Variants in LAMA3 observed in about 807,000 individuals in gnomAD.
LAMA3 encodes laminin subunit alpha 3, also known as laminin subunit alpha-3.
Under a neutral mutation model 402.0 loss-of-function variants are expected in LAMA3, and 281 were observed. The ratio of observed to expected loss-of-function variants is 0.70; its 90% CI spans 0.63 to 0.77. The LOEUF is 0.77. Among genes scored for constraint, LAMA3 ranks in the 30% least tolerant of loss-of-function variants. The pLI is 0.00. For missense variants in LAMA3, 3,840 were observed against 4,215.5 expected (o/e 0.91, Z 2.47); for synonymous variants, 1,431 against 1,558.4 (o/e 0.92, Z 1.93).
At chr18:23,849,261 C>G (rs954304302) in intron 32 of LAMA3, among the ~76,000 whole-genome samples, 2 of 152,214 alleles carry the variant, frequency 1.3e-5, no homozygotes, top group African/African-American at 4.8e-5. Flanking sequence ...CTCCCAACTC[C>G]TTGATAATAC....
At chr18:23,927,690 T>G (rs1259948797) in intron 62 of LAMA3, among the ~76,000 whole-genome samples, 1 of 152,126 alleles carries the variant, frequency 6.6e-6, no homozygotes, top group Non-Finnish European at 1.5e-5. Flanking sequence ...GAGCAAAAGG[T>G]TTTCTAGAGC....
At chr18:23,830,331 C>T (rs2063468675) in intron 23 of LAMA3, among the ~76,000 whole-genome samples, 1 of 152,124 alleles carries the variant, frequency 6.6e-6, no homozygotes, top group African/African-American at 2.4e-5. Context: ...TCAGCTCAGC[C>T]ACTACACCAT....
At chr18:23,921,687 AAC>A in intron 62 of LAMA3, 102 bp downstream of exon 62, 1 of 1,176,772 alleles carries the variant, frequency 8.5e-7, no homozygotes, top group Admixed American at 1.7e-5. Context: ...CCAACAAACA[AAC>A]ACAAAAAGTT....
Position 23,943,956 on chromosome 18 carries a change from T to C in LAMA3, c.9195T>C (p.Asp3065=), listed in dbSNP as rs764427229. The C allele has an allele frequency of 3.1e-6, 5 of 1,613,924 alleles. No individual in the cohort carries two copies. The East Asian group carries it at 8.9e-5, about 29-fold the overall frequency. Residue 3065 remains aspartate (D), a synonymous_variant, in exon 69 of 75, where the codon GAT becomes GAC. Coordinates refer to ENST00000313654, the MANE Select transcript of LAMA3 (RefSeq NM_198129.4). ...TCAAAAGCAAGGAGAAATGCAATGA[T>C]GGGAAATGGCACACGGTAAGAGCTG... is the stretch of plus-strand genomic sequence containing the variant. ...LRIKSKEKCN[D]GKWHTVVFGH...
intron 54 of LAMA3, 70 bp from the exon 55 acceptor site, chr18:23,909,083 G>T: frequency 6.9e-7 from 1 of 1,446,344 alleles, no homozygotes; most frequent in African/African-American, 1.4e-5. Flanking sequence ...AATACTGTCA[G>T]TAAGAACATT....
chr18:23,900,065 G>C (rs2081015937), intron 47 of LAMA3, among the ~76,000 whole-genome samples: 1 of 47,780 alleles, frequency 2.1e-5, no homozygotes, highest in South Asian at 8.9e-4. Flanking sequence ...CTTTGTGTGT[G>C]TGTGCGTGTG....
In LAMA3 at chr18:23,898,735, C is replaced by T; in HGVS notation, c.5614-3C>T. ...GTGACATTCATTTGTGTTTTGTTTC[C>T]AGAATCAGTTGCTCAACTACCGTTC... On this transcript the variant is annotated splice_region_variant and splice_polypyrimidine_tract_variant and intron_variant, in intron 44 of 74. Transcript: ENST00000313654. The T allele has an allele frequency of 6.5e-7, 1 of 1,528,896 alleles. No homozygotes were observed. Among genetic ancestry groups the T allele is most frequent in the Non-Finnish European group, 9.1e-7 (1 of 1,102,356 alleles). The allele number at this position is 1,528,896 out of a possible 1,614,324, so 94.7% of individuals were successfully genotyped here.
At chr18:23,953,327 T>TTTTTTTTTTTTG (rs2082989923) in intron 74 of LAMA3, among the ~76,000 whole-genome samples, 1 of 5,970 alleles carries the variant, frequency 1.7e-4, no homozygotes. Flanking sequence ...GTAATTTTGT[T>TTTTTTTTTTTTG]TTTTTTTTTT....
chr18:23,954,660 TTC>T lies in LAMA3; in HGVS notation c.*13_*14del. 6.2e-7 allele frequency: 1 copy of T among 1,613,984 alleles called. No individual in the cohort carries two copies. Among genetic ancestry groups the T allele is most frequent in the Non-Finnish European group, 8.5e-7 (1 of 1,179,940 alleles). ...GTCCTGACCAGTAACCCAAGCCTAT[TTC>T]ACAGCAAGGAAATTCACCTTCAAAA... On this transcript the variant is annotated 3_prime_UTR_variant, in exon 75 of 75. Transcript: ENST00000313654.
rs1253467626 is a variant in LAMA3, at chr18:23,931,163, T to G, written c.8538T>G (p.Gly2846=). The G allele has an allele frequency of 6.2e-7, 1 of 1,613,162 alleles. No individual in the cohort carries two copies. The highest frequency in any genetic ancestry group is 8.5e-7 in the Non-Finnish European group (1 of 1,179,062). The change falls in exon 65 of 75, where the codon GGT becomes GGG. Residue 2846 remains glycine, a synonymous_variant. Transcript: ENST00000313654. The part of the protein sequence containing the change: ...IFKSPQTYMD[G]LLHYVSVISD... The stretch of plus-strand genomic sequence containing the variant: ...AATCTCCACAGACGTATATGGATGG[T>G]TTACTGCATTATGTATCTGTAATAA...
At chr18:23,822,010 T>G (rs746139631) in intron 19 of LAMA3, among the ~76,000 whole-genome samples, 1 of 152,240 alleles carries the variant, frequency 6.6e-6, no homozygotes, top group African/African-American at 2.4e-5. Context: ...TCTCAGTTGC[T>G]GAGGGAGTGC....
intron 18 of LAMA3, among the ~76,000 whole-genome samples, chr18:23,819,565 A>G (rs1337720290): frequency 6.6e-6 from 1 of 152,226 alleles, no homozygotes; most frequent in Non-Finnish European, 1.5e-5. Context: ...AACTATTTAG[A>G]ACATACTAAA....
chr18:23,773,843 T>A (rs2062256418), intron 9 of LAMA3, among the ~76,000 whole-genome samples: 1 of 152,240 alleles, frequency 6.6e-6, no homozygotes, highest in Non-Finnish European at 1.5e-5. Context: ...TACTTACCAT[T>A]GGGCCTGTCA....
intron 12 of LAMA3, among the ~76,000 whole-genome samples, chr18:23,789,496 G>A (rs544580317): frequency 6.6e-6 from 1 of 152,278 alleles, no homozygotes; most frequent in South Asian, 2.1e-4. Context: ...AAAAAGGAAC[G>A]AAGTACTTAT....
chr18:23,940,939 C>CTTTT (rs370811901), intron 68 of LAMA3, among the ~76,000 whole-genome samples: 1 of 133,256 alleles, frequency 7.5e-6, no homozygotes, highest in Non-Finnish European at 1.6e-5. Flanking sequence ...TCTTTCTTTT[C>CTTTT]TTTTTTTTTT....
chr18:23,777,715 C>A, intron 11 of LAMA3, 96 bp downstream of exon 11: 1 of 949,440 alleles, frequency 1.1e-6, no homozygotes, highest in Non-Finnish European at 1.7e-6. Context: ...AAGGCCAAGT[C>A]TCCCTTCCTA....
At position 23,921,548 on chromosome 18, in the gene LAMA3, T is replaced by C; in HGVS notation, c.8140T>C (p.Tyr2714His). 1 of 1,613,768 alleles carries C rather than the reference T, an allele frequency of 6.2e-7. No individual in the cohort carries two copies. Among genetic ancestry groups the C allele is most frequent in the Non-Finnish European group, 8.5e-7 (1 of 1,179,712 alleles). ...TGGTGAAGTATTTGATTTCAGCACATATTATCTGGGAGGAATTCCAATTGC... is the reference window on the plus strand; with the variant it reads ...TGGTGAAGTATTTGATTTCAGCACACATTATCTGGGAGGAATTCCAATTGC... ...IDGEVFDFST[Y>H]YLGGIPIAIR... is the part of the protein sequence containing the mutation. Residue 2714 changes from tyrosine to histidine, a missense_variant, in exon 62 of 75, where the codon TAT becomes CAT. By Grantham distance (83) the Tyr-to-His change is moderately conservative. Around this residue, in one of 3 missense-constraint regions of LAMA3, gnomAD observed 840 missense variants for 981.9 expected, o/e 0.86. Coordinates refer to ENST00000313654, the MANE Select transcript of LAMA3 (RefSeq NM_198129.4).
At chr18:23,907,484 C>T in intron 52 of LAMA3, 66 bp from the exon 53 acceptor site, 2 of 1,170,446 alleles carry the variant, frequency 1.7e-6, no homozygotes, top group Non-Finnish European at 2.6e-6. Flanking sequence ...CTTCAGGGGC[C>T]ACAAATACCA....
intron 12 of LAMA3, among the ~76,000 whole-genome samples, chr18:23,795,569 T>G (rs964168326): frequency 2.0e-5 from 3 of 152,220 alleles, no homozygotes; most frequent in Admixed American, 6.5e-5. Context: ...GTTAATAGTT[T>G]GGTGGTTAGA....
Sources: allele counts gnomAD v4.1 joint callset (sites outside exome capture counted in the v4.1 genomes callset), GRCh38; gene constraint gnomAD v4.1.1; regional missense constraint gnomAD v4.1.1; transcripts MANE v1.5; gene names NCBI Gene and HGNC (gene_info 2026-07-23, HGNC 2026-07-21).